Variants in HCRTR2 observed in about 807,000 individuals in gnomAD.
HCRTR2 encodes the protein hypocretin receptor 2.
A neutral mutation model predicts 49.0 loss-of-function variants in HCRTR2; 22 were observed. The ratio of observed to expected loss-of-function variants is 0.45; its 90% CI spans 0.32 to 0.64. HCRTR2 has a LOEUF of 0.64. Among genes scored for constraint, HCRTR2 ranks in the 30% least tolerant of loss-of-function variants. HCRTR2 has a pLI of 0.04. For missense variants in HCRTR2, 491 were observed against 559.4 expected (o/e 0.88, Z 1.23); for synonymous variants, 236 against 205.3 (o/e 1.15, Z -1.28).
chr6:55,126,456 C>T (rs9475157), intron 1 of HCRTR2, among the ~76,000 whole-genome samples: 1,731 of 152,230 alleles, frequency 0.011, 38 homozygotes, highest in African/African-American at 0.039. Flanking sequence ...AGATTGCTGC[C>T]CTGTTCTTTC....
intron 1 of HCRTR2, among the ~76,000 whole-genome samples, chr6:55,115,215 C>T (rs543698583): frequency 4.0e-5 from 6 of 151,698 alleles, no homozygotes; most frequent in Admixed American, 6.6e-5. Flanking sequence ...ATTTTATTAA[C>T]TTATGAGTTC....
intron 1 of HCRTR2, among the ~76,000 whole-genome samples, chr6:55,234,109 C>A (rs188666371): frequency 6.8e-4 from 103 of 152,258 alleles, no homozygotes; most frequent in Middle Eastern, 6.8e-3. Flanking sequence ...GAATTTATGA[C>A]AGCAAAATGA....
chr6:55,186,122 G>A (rs948758473), intron 1 of HCRTR2, among the ~76,000 whole-genome samples: 2 of 152,124 alleles, frequency 1.3e-5, no homozygotes, highest in African/African-American at 4.8e-5. Context: ...TTAAGTAAAA[G>A]GTAAGCTGCA....
At chr6:55,156,763 G>C (rs35833281) in intron 1 of HCRTR2, among the ~76,000 whole-genome samples, 22,276 of 151,914 alleles carry the variant, frequency 0.15, 2,162 homozygotes, top group Non-Finnish European at 0.22. Flanking sequence ...AAATCAACCA[G>C]TGCAATAAAT....
At chr6:55,182,927 C>G (rs1020778909) in intron 1 of HCRTR2, among the ~76,000 whole-genome samples, 1 of 152,182 alleles carries the variant, frequency 6.6e-6, no homozygotes, top group Non-Finnish European at 1.5e-5. Context: ...GTATTTTTAA[C>G]TTGCATAGAC....
intron 1 of HCRTR2, among the ~76,000 whole-genome samples, chr6:55,196,098 T>G (rs1320254867): frequency 6.6e-6 from 1 of 152,260 alleles, no homozygotes; most frequent in African/African-American, 2.4e-5. Context: ...AGATCTGTAA[T>G]TAATACTTGT....
intron 1 of HCRTR2, among the ~76,000 whole-genome samples, chr6:55,146,499 T>C (rs1441557354): frequency 2.0e-5 from 3 of 151,932 alleles, no homozygotes; most frequent in East Asian, 1.9e-4. Flanking sequence ...TGGAAAGAAG[T>C]TGGAATAATT....
chr6:55,221,614 C>T (rs571769864), intron 1 of HCRTR2, among the ~76,000 whole-genome samples: 64 of 151,846 alleles, frequency 4.2e-4, no homozygotes, highest in African/African-American at 1.5e-3. Flanking sequence ...AAGATCGAGA[C>T]CATCCTGGCT....
intron 1 of HCRTR2, among the ~76,000 whole-genome samples, chr6:55,207,213 T>A (rs145449494): frequency 2.0e-5 from 3 of 152,090 alleles, no homozygotes; most frequent in African/African-American, 4.8e-5. Flanking sequence ...ATCAATAAAT[T>A]GTTACATTTC....
At chr6:55,210,972 A>C (rs1311530077) in intron 1 of HCRTR2, among the ~76,000 whole-genome samples, 1 of 152,252 alleles carries the variant, frequency 6.6e-6, no homozygotes, top group South Asian at 2.1e-4. Flanking sequence ...AGATTATAAT[A>C]CCATGCTTTT....
chr6:55,235,788 C>T (rs1035839292), intron 1 of HCRTR2, among the ~76,000 whole-genome samples: 3 of 151,974 alleles, frequency 2.0e-5, no homozygotes, highest in Admixed American at 6.6e-5. Context: ...TCCTTATATA[C>T]GTAGGTGTGG....
intron 1 of HCRTR2, among the ~76,000 whole-genome samples, chr6:55,244,027 C>T (rs1412228172): frequency 6.6e-6 from 1 of 151,992 alleles, no homozygotes. Context: ...CATTTCCAGA[C>T]AGAGGAATGG....
At chr6:55,142,259 C>T (rs915771136) in intron 1 of HCRTR2, among the ~76,000 whole-genome samples, 31 of 151,828 alleles carry the variant, frequency 2.0e-4, no homozygotes, top group African/African-American at 6.0e-4. Flanking sequence ...TGCAGTGGCA[C>T]GATCTCGGCT....
At chr6:55,164,101 G>A (rs939636029) in intron 1 of HCRTR2, among the ~76,000 whole-genome samples, 17 of 152,084 alleles carry the variant, frequency 1.1e-4, no homozygotes, top group Admixed American at 5.9e-4. Context: ...TTAGAATGGC[G>A]ATCATTAAAA....
At chr6:55,270,173 G>A (rs1766946145) in intron 4 of HCRTR2, among the ~76,000 whole-genome samples, 1 of 152,006 alleles carries the variant, frequency 6.6e-6, no homozygotes. Flanking sequence ...AAATGATGTG[G>A]TACTAGTCTC....
chr6:55,149,244 A>G (rs1345735596), intron 1 of HCRTR2, among the ~76,000 whole-genome samples: 1 of 152,140 alleles, frequency 6.6e-6, no homozygotes. Context: ...TAATGCTAAA[A>G]GTCCAAAATA....
chr6:55,119,767 A>C (rs2127236729), intron 1 of HCRTR2, among the ~76,000 whole-genome samples: 1 of 151,952 alleles, frequency 6.6e-6, no homozygotes, highest in South Asian at 2.1e-4. Flanking sequence ...GAAGCTCTTT[A>C]GTTTAATTAC....
chr6:55,282,324 A>G lies in HCRTR2; in HGVS notation c.1205A>G (p.Glu402Gly). The G allele has an allele frequency of 1.2e-6, 2 of 1,613,842 alleles. No individual in the cohort carries two copies. Among genetic ancestry groups the G allele is most frequent in the Non-Finnish European group, 1.7e-6 (2 of 1,179,840 alleles). ...CTCACCAGGGGACGAACTAGCACAG[A>G]GAGCCGGAAGTCCTTGACCACTCAA... ...DRLTRGRTST[E>G]SRKSLTTQIS... The change falls in exon 7 of 7, where the codon GAG (glutamate) becomes GGG (glycine). Residue 402 changes from glutamate (E) to glycine (G), a missense_variant. Coordinates refer to ENST00000370862, the MANE Select transcript of HCRTR2 (RefSeq NM_001384272.1).
At chr6:55,178,047 T>C (rs1434940758) in intron 1 of HCRTR2, among the ~76,000 whole-genome samples, 1 of 152,154 alleles carries the variant, frequency 6.6e-6, no homozygotes, top group Non-Finnish European at 1.5e-5. Flanking sequence ...TAAGTAGATG[T>C]ATCAACTTAT....
Sources: allele counts gnomAD v4.1 joint callset (sites outside exome capture counted in the v4.1 genomes callset), GRCh38; gene constraint gnomAD v4.1.1; transcripts MANE v1.5; gene names NCBI Gene and HGNC (gene_info 2026-07-23, HGNC 2026-07-21).